The following ARHGAP18 variants were observed in gnomAD, a reference collection of about 807,000 sequenced individuals.
ARHGAP18 encodes Rho GTPase activating protein 18.
In ARHGAP18, 67 loss-of-function variants were observed where a neutral mutation model predicts 86.2. The ratio of observed to expected loss-of-function variants is 0.78; its 90% CI spans 0.64 to 0.95. ARHGAP18 has a LOEUF of 0.95. ARHGAP18 is among the 40% of genes least tolerant of loss of function. The pLI, the probability that ARHGAP18 is intolerant of heterozygous loss-of-function variation, is 0.00. For missense variants in ARHGAP18, 691 were observed against 780.4 expected, an observed-to-expected ratio of 0.89 and a Z score of 1.37; for synonymous variants, 283 against 280.4, an observed-to-expected ratio of 1.01 and a Z score of -0.09.
At chr6:129,582,987 C>T (rs1427738842) in intron 13 of ARHGAP18, among the ~76,000 whole-genome samples, 1 of 152,192 alleles carries the variant, frequency 6.6e-6, no homozygotes, top group Non-Finnish European at 1.5e-5. Flanking sequence ...TTTATAAACC[C>T]TATGGGAAGG....
intron 1 of ARHGAP18, among the ~76,000 whole-genome samples, chr6:129,649,885 T>C (rs567442002): frequency 4.0e-5 from 6 of 151,458 alleles, no homozygotes; most frequent in Non-Finnish European, 5.9e-5. Context: ...TCGTTGCGGC[T>C]TTCACTCTAC....
rs1788225819 is a variant in ARHGAP18, at chr6:129,578,547, T to C, written c.1958A>G (p.Asn653Ser). 1.9e-6 allele frequency: 3 copies of C among 1,612,554 alleles called. No homozygotes were observed. Among genetic ancestry groups the C allele is most frequent in the Non-Finnish European group, 2.5e-6 (3 of 1,179,014 alleles). The change falls in exon 15 of 15, where the codon AAT becomes AGT. Residue 653 changes from asparagine to serine, a missense_variant. Asn to Ser is a conservative substitution (Grantham distance 46). Transcript: ENST00000368149. The part of the protein sequence containing the change: ...YMKDLYQLNP[N>S]AEWVIKSKPL ...CTTTGACTTTATAACCCACTCAGCA[T>C]TTGGGTTAAGCTGATATAAATCCTT... is the stretch of plus-strand genomic sequence containing the variant.
At chr6:129,675,303 G>C (rs932993618) in intron 1 of ARHGAP18, among the ~76,000 whole-genome samples, 2 of 150,430 alleles carry the variant, frequency 1.3e-5, no homozygotes, top group South Asian at 2.1e-4. Context: ...AGAATGGCGG[G>C]AACCCGGGAG....
chr6:129,695,056 C>G (rs1317148181), intron 1 of ARHGAP18, among the ~76,000 whole-genome samples: 1 of 152,004 alleles, frequency 6.6e-6, no homozygotes, highest in African/African-American at 2.4e-5. Flanking sequence ...CATTTTTCTA[C>G]ATATAAAGCG....
chr6:129,655,861 A>C (rs936978173), intron 1 of ARHGAP18, among the ~76,000 whole-genome samples: 1 of 152,218 alleles, frequency 6.6e-6, no homozygotes, highest in Admixed American at 6.5e-5. Flanking sequence ...TACAGATATT[A>C]ATCAGAATTA....
chr6:129,607,164 A>G (rs1181200117), intron 9 of ARHGAP18, among the ~76,000 whole-genome samples: 1 of 152,106 alleles, frequency 6.6e-6, no homozygotes, highest in Non-Finnish European at 1.5e-5. Context: ...GCCCCTTTTC[A>G]TTCTTATAAG....
Position 129,607,979 on chromosome 6 carries a change from G to A in ARHGAP18, c.1196C>T (p.Ala399Val). 6.2e-7 allele frequency: 1 copy of A among 1,611,102 alleles called. No individual in the cohort carries two copies. Among genetic ancestry groups the A allele is most frequent in the Non-Finnish European group, 8.5e-7 (1 of 1,178,932 alleles). Residue 399 changes from alanine (A) to valine (V), a missense_variant, in exon 9 of 15, where the codon GCC becomes GTC. Ala to Val is a moderately conservative substitution (Grantham distance 64). Coordinates refer to ENST00000368149, the MANE Select transcript of ARHGAP18 (RefSeq NM_033515.3). ...FNWESVKQHD[A>V]ASLLKLFIRE... ...AATGAAGAGCTTCAGCAGGCTGGCG[G>A]CATCATGCTGTTTGACACTTTCCCA...
At chr6:129,584,175 G>A in intron 12 of ARHGAP18, 63 bp from the exon 13 acceptor site, 1 of 1,594,686 alleles carries the variant, frequency 6.3e-7, no homozygotes, top group Non-Finnish European at 8.6e-7. Flanking sequence ...ACTCTACAAT[G>A]CATTATATAG....
At chr6:129,609,505 G>T (rs1284441878) in intron 8 of ARHGAP18, among the ~76,000 whole-genome samples, 1 of 152,148 alleles carries the variant, frequency 6.6e-6, no homozygotes, top group Non-Finnish European at 1.5e-5. Context: ...TGCTAGTGAG[G>T]GCCCGAGTGC....
At chr6:129,666,810 T>C (rs1253958675) in intron 1 of ARHGAP18, among the ~76,000 whole-genome samples, 1 of 152,256 alleles carries the variant, frequency 6.6e-6, no homozygotes. Context: ...TTTCTGTGTA[T>C]ATCTCATCCC....
Position 129,616,281 on chromosome 6 carries a change from T to G in ARHGAP18, c.975A>C (p.Pro325=). ...GATCTTGTTCTAATAGCGCTGTCAA[T>G]GGAACGCAAAAAAGACCAGAATCTG... ...KTKDSGLFCV[P]LTALLEQDQR... The change falls in exon 7 of 15, where the codon CCA becomes CCC. Residue 325 remains proline (P), a synonymous_variant. Coordinates refer to ENST00000368149, the MANE Select transcript of ARHGAP18 (RefSeq NM_033515.3). 6.2e-7 allele frequency: 1 copy of G among 1,609,866 alleles called. No homozygotes were observed. Among genetic ancestry groups the G allele is most frequent in the South Asian group, 1.1e-5 (1 of 89,902 alleles).
Position 129,677,847 on chromosome 6 carries a change from C to T in ARHGAP18, c.113+32177G>A, listed in dbSNP as rs142986143. On this transcript the variant is annotated intron_variant, in intron 1 of 14. Transcript: ENST00000368149. Reference sequence around the variant, plus strand: ...ATTTTTCCTTGTCCTTGCACAGAAACCTTTGCTCCCAAACTTCAGCACTCC... The same window carrying T: ...ATTTTTCCTTGTCCTTGCACAGAAATCTTTGCTCCCAAACTTCAGCACTCC... Among the ~76,000 whole-genome samples, 16 of 152,286 alleles carry T rather than the reference C, an allele frequency of 1.1e-4. No individual in the cohort carries two copies. In the East Asian group the frequency reaches 2.9e-3, roughly 28 times the overall value.
At chr6:129,642,932 A>C (rs1584081777) in intron 1 of ARHGAP18, among the ~76,000 whole-genome samples, 2 of 152,240 alleles carry the variant, frequency 1.3e-5, no homozygotes, top group Admixed American at 6.5e-5. Flanking sequence ...ATTTATTAGC[A>C]ATTCTGAATA....
chr6:129,659,623 AC>A (rs1365620219), intron 1 of ARHGAP18, among the ~76,000 whole-genome samples: 2 of 152,088 alleles, frequency 1.3e-5, no homozygotes, highest in Admixed American at 6.5e-5. Flanking sequence ...ACTCGCCACC[AC>A]ACCCTAGCTA....
At chr6:129,635,001 G>A (rs182155215) in intron 3 of ARHGAP18, among the ~76,000 whole-genome samples, 10 of 152,170 alleles carry the variant, frequency 6.6e-5, no homozygotes, top group South Asian at 2.1e-4. Context: ...GGGCAGTGAC[G>A]CCCAAGGAAC....
chr6:129,624,699 T>C (rs1288800942), intron 5 of ARHGAP18, among the ~76,000 whole-genome samples: 1 of 151,420 alleles, frequency 6.6e-6, no homozygotes, highest in Non-Finnish European at 1.5e-5. Flanking sequence ...AATCCTAGTG[T>C]TTTGGAAGGC....
At chr6:129,669,546 G>A (rs1398158369) in intron 1 of ARHGAP18, among the ~76,000 whole-genome samples, 4 of 151,404 alleles carry the variant, frequency 2.6e-5, no homozygotes, top group Admixed American at 2.0e-4. Context: ...AGCACTTTGG[G>A]AGGACAAGGC....
intron 1 of ARHGAP18, among the ~76,000 whole-genome samples, chr6:129,647,293 C>A (rs140991905): frequency 6.6e-6 from 1 of 152,222 alleles, no homozygotes; most frequent in Non-Finnish European, 1.5e-5. Flanking sequence ...CCTAAAACTC[C>A]TTCAGGGCAG....
intron 12 of ARHGAP18, among the ~76,000 whole-genome samples, chr6:129,584,384 G>A (rs1200664239): frequency 6.6e-6 from 1 of 152,168 alleles, no homozygotes; most frequent in Non-Finnish European, 1.5e-5. Flanking sequence ...GCCATATTAA[G>A]TGCTGATTTC....
Sources: allele counts gnomAD v4.1 joint callset (sites outside exome capture counted in the v4.1 genomes callset), GRCh38; gene constraint gnomAD v4.1.1; transcripts MANE v1.5; gene names NCBI Gene and HGNC (gene_info 2026-07-23, HGNC 2026-07-21).